RABGAP1L: variants seen among roughly 807,000 people sequenced by gnomAD.
The protein encoded by RABGAP1L is rab GTPase-activating protein 1-like.
A neutral mutation model predicts 137.7 loss-of-function variants in RABGAP1L; 63 were observed. The observed-to-expected ratio is 0.46, with a 90% confidence interval of 0.37 to 0.56. The LOEUF is 0.56. RABGAP1L is among the 20% of genes least tolerant of loss of function. RABGAP1L has a pLI of 0.00. For missense variants in RABGAP1L, 1,095 were observed against 1,244.0 expected (o/e 0.88, Z 1.80); for synonymous variants, 431 against 433.7 (o/e 0.99, Z 0.08).
At chr1:174,359,424 AC>A (rs1683948001) in intron 11 of RABGAP1L, among the ~76,000 whole-genome samples, 1 of 151,706 alleles carries the variant, frequency 6.6e-6, no homozygotes, top group South Asian at 2.1e-4. Flanking sequence ...TCTGGGTCAT[AC>A]GCTTGATGTC....
Position 174,661,015 on chromosome 1 carries a change from A to T in RABGAP1L, c.1825-22507A>T, listed in dbSNP as rs577345470. On this transcript the variant is annotated intron_variant, in intron 14 of 25. Transcript: ENST00000681986. Reference sequence around the variant, plus strand: ...TTCATTGCTTACCCTAGTCTTCCACATGATAGATAATAAATATGTGTTGCC... The same window carrying T: ...TTCATTGCTTACCCTAGTCTTCCACTTGATAGATAATAAATATGTGTTGCC... 5.9e-5 allele frequency among the ~76,000 whole-genome samples: 9 copies of T among 152,328 alleles called. No homozygotes were observed. The South Asian group carries it at 1.9e-3, about 32-fold the overall frequency.
At chr1:174,714,981 GAATTT>G (rs1238371063) in intron 17 of RABGAP1L, among the ~76,000 whole-genome samples, 4 of 152,106 alleles carry the variant, frequency 2.6e-5, no homozygotes, top group Admixed American at 6.6e-5. Context: ...CTTGGCATAG[GAATTT>G]AATTAGAGTG....
chr1:174,170,414 A>C (rs1413316423), intron 1 of RABGAP1L, among the ~76,000 whole-genome samples: 2 of 152,160 alleles, frequency 1.3e-5, no homozygotes, highest in Non-Finnish European at 2.9e-5. Flanking sequence ...GCCGTGGCTC[A>C]TGCCTGTAAT....
At chr1:174,817,972 A>G (rs1690608787) in intron 19 of RABGAP1L, among the ~76,000 whole-genome samples, 1 of 152,360 alleles carries the variant, frequency 6.6e-6, no homozygotes, top group South Asian at 2.1e-4. Flanking sequence ...GAAAGGAAAC[A>G]AACAAGAGAA....
Position 174,463,273 on chromosome 1 carries a change from CAA to C in RABGAP1L, c.1710+69129_1710+69130del, listed in dbSNP as rs1340629753. Among the ~76,000 whole-genome samples, 19 of 152,086 alleles carry C rather than the reference CAA, an allele frequency of 1.2e-4. No individual in the cohort carries two copies. The East Asian group carries it at 3.5e-3, about 28-fold the overall frequency. Reference sequence around the variant, plus strand: ...ACTTGGAACTAACCCAAATGTCCAACAATGATAGACTGGATTAAGAAAATGTG... The same window carrying C: ...ACTTGGAACTAACCCAAATGTCCAACTGATAGACTGGATTAAGAAAATGTG... On this transcript the variant is annotated intron_variant, in intron 13 of 25. Coordinates refer to ENST00000681986, the MANE Select transcript of RABGAP1L (RefSeq NM_001366446.1).
chr1:174,887,670 GA>G (rs1170525255), intron 19 of RABGAP1L, among the ~76,000 whole-genome samples: 16 of 152,012 alleles, frequency 1.1e-4, no homozygotes, highest in African/African-American at 3.4e-4. Flanking sequence ...CCCCTTATCA[GA>G]AAAAAATGTT....
chr1:174,563,339 T>C (rs1667352731), intron 13 of RABGAP1L, among the ~76,000 whole-genome samples: 2 of 152,204 alleles, frequency 1.3e-5, no homozygotes, highest in Non-Finnish European at 2.9e-5. Flanking sequence ...AGTTATTGCA[T>C]ATATTTGTGC....
At chr1:174,248,169 C>A (rs2148584978) in intron 5 of RABGAP1L, among the ~76,000 whole-genome samples, 1 of 152,298 alleles carries the variant, frequency 6.6e-6, no homozygotes, top group African/African-American at 2.4e-5. Context: ...CAGTAACTAT[C>A]CAGCTGAGGC....
rs1671988003 is a variant in RABGAP1L, at chr1:174,990,530, C to T, written c.*529C>T. On this transcript the variant is annotated 3_prime_UTR_variant, in exon 26 of 26. Coordinates refer to ENST00000681986, the MANE Select transcript of RABGAP1L (RefSeq NM_001366446.1). ...TTCCCAGGGAAGTGTTAATCCTGTCCAAAGGAAAGAACCAATCAGCGATCA... is the reference window on the plus strand; with the variant it reads ...TTCCCAGGGAAGTGTTAATCCTGTCTAAAGGAAAGAACCAATCAGCGATCA... 1 of 152,274 alleles carries T rather than the reference C, an allele frequency of 6.6e-6. No homozygotes were observed. Among genetic ancestry groups the T allele is most frequent in the Non-Finnish European group, 1.5e-5 (1 of 68,060 alleles). The allele number at this position is 152,274 out of a possible 1,614,324, so 9.4% of individuals were successfully genotyped here.
intron 19 of RABGAP1L, among the ~76,000 whole-genome samples, chr1:174,812,783 G>A (rs1690005790): frequency 6.6e-6 from 1 of 152,172 alleles, no homozygotes; most frequent in Non-Finnish European, 1.5e-5. Flanking sequence ...TAGTGGGGGA[G>A]CAAAGGTTAT....
chr1:174,373,249 T>C (rs1286152569), intron 12 of RABGAP1L, among the ~76,000 whole-genome samples: 2 of 152,168 alleles, frequency 1.3e-5, no homozygotes, highest in Non-Finnish European at 2.9e-5. Context: ...CAGATGACTT[T>C]TTCAGTCTCA....
chr1:174,203,816 T>C (rs1668304640), intron 1 of RABGAP1L, among the ~76,000 whole-genome samples: 1 of 152,192 alleles, frequency 6.6e-6, no homozygotes, highest in African/African-American at 2.4e-5. Flanking sequence ...TACCTCGTGG[T>C]TGGCTGTATT....
intron 10 of RABGAP1L, among the ~76,000 whole-genome samples, chr1:174,287,234 A>C (rs1453463131): frequency 6.6e-6 from 1 of 152,184 alleles, no homozygotes; most frequent in Admixed American, 6.5e-5. Flanking sequence ...TACTATTTAC[A>C]ATAGTTAAAT....
chr1:174,963,605 C>G (rs996527800), intron 20 of RABGAP1L, among the ~76,000 whole-genome samples: 4 of 151,512 alleles, frequency 2.6e-5, no homozygotes, highest in Non-Finnish European at 2.9e-5. Flanking sequence ...TCTATATCAT[C>G]TAGAATGCAT....
intron 5 of RABGAP1L, chr1:174,245,416 G>C (rs1437970410): frequency 6.6e-6 from 1 of 152,114 alleles, no homozygotes; most frequent in Non-Finnish European, 1.5e-5. Context: ...TGTTATGTTA[G>C]CTAAATGCCT....
chr1:174,821,242 C>G (rs1032366866), intron 19 of RABGAP1L, among the ~76,000 whole-genome samples: 1 of 152,048 alleles, frequency 6.6e-6, no homozygotes, highest in Non-Finnish European at 1.5e-5. Context: ...GTGCAGGTAG[C>G]GGGAATGAGG....
At chr1:174,782,693 C>T (rs898565098) in intron 18 of RABGAP1L, among the ~76,000 whole-genome samples, 1 of 152,168 alleles carries the variant, frequency 6.6e-6, no homozygotes, top group African/African-American at 2.4e-5. Context: ...TATTGAGAGA[C>T]AGGACTAAGC....
At chr1:174,349,913 C>T (rs1471094785) in intron 11 of RABGAP1L, among the ~76,000 whole-genome samples, 25 of 77,290 alleles carry the variant, frequency 3.2e-4, no homozygotes, top group Non-Finnish European at 6.8e-4. Flanking sequence ...GGGGGGCTGA[C>T]CCCCCCCCAC....
At chr1:174,669,602 G>T (rs1415168485) in intron 14 of RABGAP1L, among the ~76,000 whole-genome samples, 1 of 152,112 alleles carries the variant, frequency 6.6e-6, no homozygotes, top group African/African-American at 2.4e-5. Flanking sequence ...TCTTCTGGTA[G>T]TTTCATAGTT....
Sources: allele counts gnomAD v4.1 joint callset (sites outside exome capture counted in the v4.1 genomes callset), GRCh38; gene constraint gnomAD v4.1.1; transcripts MANE v1.5; gene names NCBI Gene and HGNC (gene_info 2026-07-23, HGNC 2026-07-21).